Variants in UBP1 observed in about 807,000 individuals in gnomAD.
The protein encoded by UBP1 is upstream-binding protein 1.
UBP1 carries 22 observed loss-of-function variants against 76.1 expected under a neutral mutation model. That is an observed-to-expected ratio of 0.29 (90% CI 0.21 to 0.41). The LOEUF is 0.41. Ranked by LOEUF, UBP1 falls within the 10% of genes least tolerant of loss-of-function variation. UBP1 has a pLI of 1.00. For synonymous variants in UBP1, 224 were observed against 237.1 expected, an observed-to-expected ratio of 0.94 and a Z score of 0.51; for missense variants, 436 against 668.1, an observed-to-expected ratio of 0.65 and a Z score of 3.83.
At chr3:33,392,401 T>C (rs2043804375) in intron 15 of UBP1, 162 bp downstream of exon 15, 2 of 616,436 alleles carry the variant, frequency 3.2e-6, no homozygotes, top group African/African-American at 1.9e-5. Flanking sequence ...CCTTATATGC[T>C]AATTTCTGTT....
chr3:33,411,458 A>G (rs2044580657), intron 5 of UBP1, 123 bp downstream of exon 5: 1 of 794,124 alleles, frequency 1.3e-6, no homozygotes, highest in South Asian at 1.8e-5. Context: ...ATGTATATAG[A>G]AAGACACTAC....
At chr3:33,420,329 T>C (rs926280772) in intron 2 of UBP1, among the ~76,000 whole-genome samples, 1 of 152,162 alleles carries the variant, frequency 6.6e-6, no homozygotes, top group Non-Finnish European at 1.5e-5. Context: ...TTATTAACAT[T>C]CTTTTTTCTT....
At chr3:33,413,277 T>G (rs2044637972) in intron 3 of UBP1, among the ~76,000 whole-genome samples, 1 of 151,832 alleles carries the variant, frequency 6.6e-6, no homozygotes, top group East Asian at 1.9e-4. Flanking sequence ...CTGGGTGCGG[T>G]GGCTCACACC....
chr3:33,433,599 G>C (rs959351491), intron 1 of UBP1, among the ~76,000 whole-genome samples: 3 of 151,814 alleles, frequency 2.0e-5, no homozygotes, highest in African/African-American at 7.3e-5. Flanking sequence ...GTTGCGGTGA[G>C]CTGAGACAGT....
chr3:33,400,178 C>T lies in UBP1; in HGVS notation c.1180+11G>A. The T allele has an allele frequency of 6.5e-7, 1 of 1,549,084 alleles. No individual in the cohort carries two copies. The highest frequency in any genetic ancestry group is 8.7e-7 in the Non-Finnish European group (1 of 1,144,268). On this transcript the variant is annotated intron_variant, in intron 11 of 15. Coordinates refer to ENST00000283629, the MANE Select transcript of UBP1 (RefSeq NM_014517.5). ...ATTCTCATGCACAGATACACACACA[C>T]ATACACATACCTGAAAAATTAGAGA...
chr3:33,409,839 C>G (rs1333584762), intron 5 of UBP1, among the ~76,000 whole-genome samples: 1 of 152,226 alleles, frequency 6.6e-6, no homozygotes, highest in East Asian at 1.9e-4. Context: ...CAGTGCCTCT[C>G]CTCTAATGCA....
In UBP1 at chr3:33,412,799, C is replaced by A. The variant is rs772485132; in HGVS notation, c.371G>T (p.Arg124Ile). ...CTGATGCTCTGTGTATTGTAGCCGT[C>A]TGTCATGGAATACAACCCTTATGAT... Reference protein sequence around the residue: ...KSIIRVVFHDRRLQYTEHQQL... With the variant: ...KSIIRVVFHDIRLQYTEHQQL... Residue 124 changes from arginine (R) to isoleucine (I), a missense_variant, in exon 4 of 16, where the codon AGA becomes ATA. By Grantham distance (97) the Arg-to-Ile change is moderately conservative (BLOSUM62 -3). Around this residue, in one of 3 missense-constraint regions of UBP1, gnomAD observed 161 missense variants for 237.9 expected, o/e 0.68. Coordinates refer to ENST00000283629, the MANE Select transcript of UBP1 (RefSeq NM_014517.5). 6.2e-7 allele frequency: 1 copy of A among 1,613,952 alleles called. No individual in the cohort carries two copies. Among genetic ancestry groups the A allele is most frequent in the East Asian group, 2.2e-5 (1 of 44,884 alleles).
At chr3:33,426,993 AGT>A (rs1286918909) in intron 1 of UBP1, among the ~76,000 whole-genome samples, 1 of 152,226 alleles carries the variant, frequency 6.6e-6, no homozygotes, top group Non-Finnish European at 1.5e-5. Context: ...TTGGAGACAA[AGT>A]CTCACTTTGT....
chr3:33,436,460 T>C (rs1575494454), intron 1 of UBP1, among the ~76,000 whole-genome samples: 1 of 152,240 alleles, frequency 6.6e-6, no homozygotes, highest in East Asian at 1.9e-4. Context: ...ATACATAATG[T>C]ATATCTTTTG....
chr3:33,434,288 C>T (rs1391855950), intron 1 of UBP1, among the ~76,000 whole-genome samples: 1 of 135,980 alleles, frequency 7.4e-6, no homozygotes, highest in Non-Finnish European at 1.5e-5. Context: ...GTCAGCAAAT[C>T]CTTTTTTTTT....
chr3:33,399,671 C>A (rs1413751203), intron 11 of UBP1, among the ~76,000 whole-genome samples: 1 of 152,074 alleles, frequency 6.6e-6, no homozygotes, highest in African/African-American at 2.4e-5. Flanking sequence ...GGGTGTGACT[C>A]CGAAGGGGTA....
At chr3:33,423,019 C>T (rs137878133) in intron 2 of UBP1, among the ~76,000 whole-genome samples, 122 of 148,946 alleles carry the variant, frequency 8.2e-4, no homozygotes, top group African/African-American at 2.8e-3. Context: ...AGTACAGTTC[C>T]TTTAAAATTA....
intron 7 of UBP1, 117 bp from the exon 8 acceptor site, chr3:33,408,914 AGTT>A: frequency 9.6e-7 from 1 of 1,039,520 alleles, no homozygotes; most frequent in Admixed American, 2.6e-5. Context: ...CAGGATTCAA[AGTT>A]AAAAAAAATG....
At chr3:33,414,684 T>C (rs950424509) in intron 3 of UBP1, among the ~76,000 whole-genome samples, 1 of 152,160 alleles carries the variant, frequency 6.6e-6, no homozygotes, top group African/African-American at 2.4e-5. Context: ...CTGCAGTCTT[T>C]GGTAGTAGCA....
intron 8 of UBP1, among the ~76,000 whole-genome samples, chr3:33,406,361 A>G (rs2044427508): frequency 6.6e-6 from 1 of 152,248 alleles, no homozygotes; most frequent in African/African-American, 2.4e-5. Context: ...TGACTAGCAA[A>G]TCTAATCATG....
chr3:33,438,361 A>C (rs1300110112), intron 1 of UBP1, among the ~76,000 whole-genome samples: 2 of 152,238 alleles, frequency 1.3e-5, no homozygotes, highest in Non-Finnish European at 2.9e-5. Flanking sequence ...CTTTGCCTTG[A>C]CTATAAGCCT....
At chr3:33,425,861 G>C in intron 1 of UBP1, 120 bp from the exon 2 acceptor site, 1 of 856,438 alleles carries the variant, frequency 1.2e-6, no homozygotes, top group Admixed American at 4.0e-5. Context: ...AACATTTAGG[G>C]ATAGTTTTTT....
chr3:33,403,088 G>C (rs2044292864), intron 8 of UBP1, 184 bp from the exon 9 acceptor site: 1 of 565,592 alleles, frequency 1.8e-6, no homozygotes, highest in Admixed American at 2.8e-5. Flanking sequence ...TTTACCTGCT[G>C]TGTGCGTCTA....
At chr3:33,437,339 C>T (rs1451411401) in intron 1 of UBP1, among the ~76,000 whole-genome samples, 1 of 152,150 alleles carries the variant, frequency 6.6e-6, no homozygotes, top group Non-Finnish European at 1.5e-5. Flanking sequence ...TCATAGCACA[C>T]ACTACACCCC....
Sources: gnomAD v4.1 joint callset for allele counts (sites outside exome capture counted in the v4.1 genomes callset) on GRCh38, gnomAD v4.1.1 for gene constraint, gnomAD v4.1.1 regional missense constraint, MANE v1.5 for transcripts, NCBI Gene and HGNC (gene_info 2026-07-23, HGNC 2026-07-21) for gene names.